Variants in ADTRP observed in about 807,000 individuals in gnomAD.
ADTRP encodes androgen dependent TFPI regulating protein.
In ADTRP, 20 loss-of-function variants were observed where a neutral mutation model predicts 27.0. That is an observed-to-expected ratio of 0.74 (90% CI 0.52 to 1.08). ADTRP has a LOEUF of 1.08. Among genes scored for constraint, ADTRP ranks in the 50% least tolerant of loss-of-function variants. The pLI is 0.00. For synonymous variants in ADTRP, 101 were observed against 105.2 expected (o/e 0.96, Z 0.25); for missense variants, 251 against 275.0 (o/e 0.91, Z 0.62).
intron 5 of ADTRP, among the ~76,000 whole-genome samples, chr6:11,720,386 C>G (rs1414009843): frequency 6.6e-6 from 1 of 152,130 alleles, no homozygotes; most frequent in Non-Finnish European, 1.5e-5. Flanking sequence ...TTGGTGGTCA[C>G]TCTACTTAGA....
chr6:11,732,554 G>A (rs849013), intron 4 of ADTRP, among the ~76,000 whole-genome samples: 108,941 of 152,098 alleles, frequency 0.72, 39,693 homozygotes, highest in Admixed American at 0.8. Flanking sequence ...CAGGGCGTGA[G>A]CAGAAATAGA....
At position 11,754,505 on chromosome 6, in the gene ADTRP, C is replaced by T. The variant is rs147639242; in HGVS notation, c.390+11769G>A. On this transcript the variant is annotated intron_variant, in intron 3 of 5. Coordinates refer to ENST00000414691, the MANE Select transcript of ADTRP (RefSeq NM_032744.4). ...GAAATATCTAAGAGCTAAGGATCCA[C>T]GTGACGGACGTGTAATACATGGGCA... Among the ~76,000 whole-genome samples, 103 of 152,252 alleles carry T rather than the reference C, an allele frequency of 6.8e-4. 1 individual carries two copies. Among genetic ancestry groups the T allele is most frequent in the African/African-American group, 2.0e-3 (83 of 41,558 alleles).
intron 4 of ADTRP, among the ~76,000 whole-genome samples, chr6:11,729,622 T>G (rs546697178): frequency 1.4e-3 from 219 of 152,308 alleles, no homozygotes; most frequent in Non-Finnish European, 2.7e-3. Context: ...AGCCCCATCT[T>G]TCTTGAGACT....
chr6:11,723,416 G>C lies in ADTRP; in HGVS notation c.591C>G (p.Phe197Leu). The C allele has an allele frequency of 6.2e-7, 1 of 1,614,172 alleles. No individual in the cohort carries two copies. Among genetic ancestry groups the C allele is most frequent in the East Asian group, 2.2e-5 (1 of 44,880 alleles). Residue 197 changes from phenylalanine to leucine, a missense_variant, in exon 5 of 6, where the codon TTC becomes TTG. By Grantham distance (22) the Phe-to-Leu change is conservative. Coordinates refer to ENST00000414691, the MANE Select transcript of ADTRP (RefSeq NM_032744.4). ...TGGCGATGAAGACGTAGCTGAGAGA[G>C]AAGAAAGCTGCTAGACCCAAGAGGC... is the stretch of plus-strand genomic sequence containing the variant. Reference protein sequence around the residue: ...KLSLLGLAAFFSLSYVFIASI... With the variant: ...KLSLLGLAAFLSLSYVFIASI...
At chr6:11,729,224 C>T (rs188007059) in intron 4 of ADTRP, among the ~76,000 whole-genome samples, 11 of 152,110 alleles carry the variant, frequency 7.2e-5, no homozygotes, top group African/African-American at 2.2e-4. Context: ...TCTTTCCAGC[C>T]CAGGAGAATA....
chr6:11,755,725 T>G (rs1055265310), intron 3 of ADTRP, among the ~76,000 whole-genome samples: 7 of 152,192 alleles, frequency 4.6e-5, no homozygotes, highest in African/African-American at 1.4e-4. Flanking sequence ...GTGGAATGAA[T>G]TTTTTAAAAA....
intron 3 of ADTRP, among the ~76,000 whole-genome samples, chr6:11,743,716 C>T (rs1163647557): frequency 6.6e-6 from 1 of 152,200 alleles, no homozygotes; most frequent in African/African-American, 2.4e-5. Context: ...CTATTCTGGC[C>T]ACTTAACATC....
At chr6:11,748,473 G>A (rs1279644634) in intron 3 of ADTRP, among the ~76,000 whole-genome samples, 1 of 152,210 alleles carries the variant, frequency 6.6e-6, no homozygotes, top group African/African-American at 2.4e-5. Context: ...CCACATACCA[G>A]GCATTGTGTG....
chr6:11,768,670 A>C (rs538534407), intron 1 of ADTRP, among the ~76,000 whole-genome samples: 1 of 152,322 alleles, frequency 6.6e-6, no homozygotes, highest in South Asian at 2.1e-4. Context: ...TCAGCCTAAA[A>C]GGGGAATGTA....
At chr6:11,743,081 T>C (rs1762766924) in intron 3 of ADTRP, among the ~76,000 whole-genome samples, 1 of 152,246 alleles carries the variant, frequency 6.6e-6, no homozygotes, top group Non-Finnish European at 1.5e-5. Flanking sequence ...TGGCCCGTCC[T>C]GCCTTCTCAT....
chr6:11,778,506 T>C, intron 1 of ADTRP, 101 bp downstream of exon 1: 1 of 1,404,798 alleles, frequency 7.1e-7, no homozygotes, highest in South Asian at 1.7e-5. Flanking sequence ...GGAAGACAAA[T>C]AACAAAATTG....
rs559819228 is a variant in ADTRP at position 11,747,600 on chromosome 6, G to A, written c.391-11917C>T. On this transcript the variant is annotated intron_variant, in intron 3 of 5. Transcript: ENST00000414691. ...TTCCATAGCAGCCATGAAAACACTT[G>A]TTCTGTTTCTATTTGTGGAATTCCA... 1.5e-3 allele frequency among the ~76,000 whole-genome samples: 225 copies of A among 152,254 alleles called. 1 individual carries two copies. Among genetic ancestry groups the A allele is most frequent in the Middle Eastern group, 0.01 (3 of 294 alleles).
chr6:11,714,632 A>T (rs1356580844), intron 5 of ADTRP, 120 bp from the exon 6 acceptor site: 5 of 1,136,140 alleles, frequency 4.4e-6, no homozygotes, highest in African/African-American at 3.2e-5. Context: ...ACTTTTCCCA[A>T]GGTGACAAGA....
chr6:11,758,611 T>A (rs888026736), intron 3 of ADTRP, among the ~76,000 whole-genome samples: 2 of 138,262 alleles, frequency 1.4e-5, no homozygotes, highest in Non-Finnish European at 3.1e-5. Context: ...GAGGTATACC[T>A]AATGCTAAAT....
At chr6:11,774,682 A>C (rs889943911) in intron 1 of ADTRP, among the ~76,000 whole-genome samples, 7 of 152,172 alleles carry the variant, frequency 4.6e-5, no homozygotes, top group Non-Finnish European at 5.9e-5. Context: ...TGGAGATCCC[A>C]GTTATGTGGC....
intron 3 of ADTRP, among the ~76,000 whole-genome samples, chr6:11,758,738 AAATAAT>A (rs1331533755): frequency 6.6e-6 from 1 of 151,876 alleles, no homozygotes; most frequent in Non-Finnish European, 1.5e-5. Context: ...ATAAATAAAT[AAATAAT>A]AATAAAGAAA....
chr6:11,751,362 C>A (rs1000224151), intron 3 of ADTRP, among the ~76,000 whole-genome samples: 3 of 152,114 alleles, frequency 2.0e-5, no homozygotes, highest in Non-Finnish European at 4.4e-5. Context: ...GATTCAAATT[C>A]CCATTAATAT....
chr6:11,745,902 T>G (rs1161258172), intron 3 of ADTRP, among the ~76,000 whole-genome samples: 1 of 152,184 alleles, frequency 6.6e-6, no homozygotes, highest in Non-Finnish European at 1.5e-5. Flanking sequence ...GCGATTCTCC[T>G]GCCTCAGCCT....
At chr6:11,716,620 C>T (rs892455735) in intron 5 of ADTRP, among the ~76,000 whole-genome samples, 4 of 152,026 alleles carry the variant, frequency 2.6e-5, no homozygotes, top group African/African-American at 7.2e-5. Flanking sequence ...GAATGGCAAG[C>T]GGGTCTTAGT....
Sources: allele counts gnomAD v4.1 joint callset (sites outside exome capture counted in the v4.1 genomes callset), GRCh38; gene constraint gnomAD v4.1.1; transcripts MANE v1.5; gene names NCBI Gene and HGNC (gene_info 2026-07-23, HGNC 2026-07-21).